The following CBARP variants were observed in gnomAD, a reference collection of about 807,000 sequenced individuals.
CBARP encodes the protein voltage-dependent calcium channel beta subunit-associated regulatory protein.
In CBARP, 24 loss-of-function variants were observed where a neutral mutation model predicts 36.3. The observed-to-expected ratio is 0.66, with a 90% CI of 0.48 to 0.93. CBARP has a LOEUF of 0.93. CBARP is among the 40% of genes least tolerant of loss of function. The probability of loss-of-function intolerance (pLI) is 0.00; values close to 1 mark genes in which losing one functional copy is unlikely to be tolerated. For missense variants in CBARP, 1,146 were observed against 980.4 expected, an observed-to-expected ratio of 1.17 and a Z score of -2.26; for synonymous variants, 586 against 453.2, an observed-to-expected ratio of 1.29 and a Z score of -3.72.
At chr19:1,234,440 C>T in intron 6 of CBARP, 109 bp from the exon 7 acceptor site, 3 of 1,434,648 alleles carry the variant, frequency 2.1e-6, no homozygotes, top group South Asian at 1.5e-5. Context: ...CCCTGCCCTG[C>T]TCCACCCCAC....
At chr19:1,232,274 G>A (rs1177501865) in intron 8 of CBARP, among the ~76,000 whole-genome samples, 1 of 152,124 alleles carries the variant, frequency 6.6e-6, no homozygotes, top group Non-Finnish European at 1.5e-5. Flanking sequence ...AGCCAGAGGA[G>A]GCCTTCCCCT....
intron 9 of CBARP, chr19:1,230,347 T>C (rs1349847173): frequency 5.1e-6 from 5 of 986,574 alleles, no homozygotes; most frequent in Non-Finnish European, 6.0e-6. Flanking sequence ...GCCTGCTTAT[T>C]AAGCAGGGTG....
Position 1,234,542 on chromosome 19 carries a change from G to C in CBARP, c.627+29C>G, listed in dbSNP as rs771389816. On this transcript the variant is annotated intron_variant, in intron 6 of 9. Coordinates refer to ENST00000650044, the MANE Select transcript of CBARP (RefSeq NM_001393918.1). ...CCCGGGGCTGCCTCCCGTCCCCCGA[G>C]GAACCGGGGCTGCTGCCCATAGGCT... 4.4e-6 allele frequency: 7 copies of C among 1,575,394 alleles called. No homozygotes were observed. The South Asian group carries it at 8.1e-5, about 18-fold the overall frequency.
Position 1,234,981 on chromosome 19 carries a change from C to G in CBARP, c.455+20G>C, listed in dbSNP as rs1242938812. On this transcript the variant is annotated intron_variant, in intron 5 of 9. Transcript: ENST00000650044. Reference sequence around the variant, plus strand: ...ACCTCAGACAGGCCCTGGGGTGCCTCCCAACGCCGCCCCGCTTACCGGCGA... The same window carrying G: ...ACCTCAGACAGGCCCTGGGGTGCCTGCCAACGCCGCCCCGCTTACCGGCGA... 1 of 1,591,220 alleles carries G rather than the reference C, an allele frequency of 6.3e-7. No individual in the cohort carries two copies. Among genetic ancestry groups the G allele is most frequent in the Non-Finnish European group, 8.6e-7 (1 of 1,166,664 alleles).
At position 1,229,552 on chromosome 19, in the gene CBARP, T is replaced by C. The variant is rs2080862416; in HGVS notation, c.1745A>G (p.Gln582Arg). Residue 582 changes from glutamine (Q) to arginine (R), a missense_variant, in exon 10 of 10, where the codon CAG becomes CGG. Physicochemically the swap from Gln to Arg is conservative, Grantham distance 43. Transcript: ENST00000650044. The surrounding 1 kb of genome is among the most constrained non-coding windows in gnomAD (Gnocchi z 5.1). ...RAHPHARKQW[Q>R]RGRQHSDPGA... ...GGGGTCGCTGTGCTGCCGGCCACGCTGCCACTGTTTGCGGGCGTGCGGGTG... is the reference window on the plus strand; with the variant it reads ...GGGGTCGCTGTGCTGCCGGCCACGCCGCCACTGTTTGCGGGCGTGCGGGTG... 9.8e-7 allele frequency: 1 copy of C among 1,017,494 alleles called. No individual in the cohort carries two copies. Among genetic ancestry groups the C allele is most frequent in the Non-Finnish European group, 1.2e-6 (1 of 845,194 alleles). 63.0% of individuals were successfully genotyped at this position (1,017,494 alleles called of 1,614,324 possible).
rs1478919335 is a variant in CBARP, at chr19:1,235,104, C to T, written c.352G>A (p.Glu118Lys). ...RGEDPECQDA[E>K]TERFLSTSST... ...CTGGTGGACAGGAAGCGTTCGGTCT[C>T]CGCATCCTGGCACTCGGGGTCCTCT... The change falls in exon 5 of 10, where the codon GAG becomes AAG. Residue 118 changes from glutamate (E) to lysine (K), a missense_variant. Transcript: ENST00000650044. 6.2e-7 allele frequency: 1 copy of T among 1,605,316 alleles called. No homozygotes were observed. Among genetic ancestry groups the T allele is most frequent in the Non-Finnish European group, 8.5e-7 (1 of 1,176,514 alleles).
At position 1,233,586 on chromosome 19, in the gene CBARP, T is replaced by C. The variant is rs764614507; in HGVS notation, c.819A>G (p.Ala273=). ...ATCCCGGGCCCGCCTCCCCAGGCCC[T>C]GCTGCAGCCCCGGGCCCTCCAGCCT... ...STKAGGPGAA[A]GPGEAGPGSG... The change falls in exon 8 of 10, where the codon GCA becomes GCG. Residue 273 remains alanine, a synonymous_variant. Transcript: ENST00000650044. 1 of 1,610,896 alleles carries C rather than the reference T, an allele frequency of 6.2e-7. No individual in the cohort carries two copies. The highest frequency in any genetic ancestry group is 1.1e-5 in the South Asian group (1 of 90,852).
At chr19:1,230,973 T>C (rs1192568770) in intron 9 of CBARP, 128 bp downstream of exon 9, 2 of 1,563,326 alleles carry the variant, frequency 1.3e-6, no homozygotes, top group African/African-American at 2.7e-5. Context: ...GGAGGGGCCT[T>C]GCCGCTGGAG....
intron 7 of CBARP, 66 bp downstream of exon 7, chr19:1,234,125 G>A (rs2080929751): frequency 7.0e-7 from 1 of 1,424,236 alleles, no homozygotes; most frequent in African/African-American, 1.4e-5. Flanking sequence ...GTCCTGGACT[G>A]GGGACAGGGA....
chr19:1,229,367 C>T lies in CBARP; in HGVS notation c.1930G>A (p.Glu644Lys), dbSNP rs1228900133. 2.6e-6 allele frequency: 3 copies of T among 1,170,118 alleles called. No homozygotes were observed. Among genetic ancestry groups the T allele is most frequent in the East Asian group, 2.0e-4 (2 of 10,114 alleles). The allele number at this position is 1,170,118 out of a possible 1,614,324, so 72.5% of individuals were successfully genotyped here. Residue 644 changes from glutamate to lysine, a missense_variant, in exon 10 of 10, where the codon GAG becomes AAG. Transcript: ENST00000650044. The surrounding 1 kb of genome is among the most constrained non-coding windows in gnomAD (Gnocchi z 5.1). ...AGDDPAIPVI[E>K]EEPGGGGCPG... ...CACCCCCCGCCGCCCGGCTCCTCCT[C>T]GATGACGGGGATGGCGGGGTCGTCG... is the stretch of plus-strand genomic sequence containing the variant.
rs773173671 is a variant in CBARP, at chr19:1,235,490, C to A, written c.310+11G>T. ...CAGGCGAGCGCACAGCCAGGCTGGC[C>A]AGCACCTCACCTTGGGCTGGGTGGG... On this transcript the variant is annotated intron_variant, in intron 4 of 9. Coordinates refer to ENST00000650044, the MANE Select transcript of CBARP (RefSeq NM_001393918.1). 1 of 1,579,030 alleles carries A rather than the reference C, an allele frequency of 6.3e-7. No homozygotes were observed.
chr19:1,229,758 T>G lies in CBARP; in HGVS notation c.1539A>C (p.Ala513=). 1.0e-6 allele frequency: 1 copy of G among 1,001,932 alleles called. No individual in the cohort carries two copies. Among genetic ancestry groups the G allele is most frequent in the South Asian group, 3.4e-5 (1 of 29,262 alleles). 62.1% of individuals were successfully genotyped at this position (1,001,932 alleles called of 1,614,324 possible). A position where few individuals can be genotyped will look rare whatever the true frequency, so the allele number is the denominator to read the frequency against. ...SGYASIEGRG[A]GDDTEPPAAP... is the part of the protein sequence containing the mutation. The stretch of plus-strand genomic sequence containing the variant: ...CGGCAGGTGGCTCGGTGTCGTCGCC[T>G]GCGCCGCGGCCCTCGATGCTGGCGT... The change falls in exon 10 of 10, where the codon GCA becomes GCC. Residue 513 remains alanine (A), a synonymous_variant. Transcript: ENST00000650044. The surrounding 1 kb of genome is among the most constrained non-coding windows in gnomAD (Gnocchi z 5.1).
At chr19:1,233,397 C>A in intron 8 of CBARP, 29 bp downstream of exon 8, 1 of 1,542,878 alleles carries the variant, frequency 6.5e-7, no homozygotes, top group Non-Finnish European at 8.8e-7. Context: ...CCCACAGGGG[C>A]CCACTCTCCA....
rs1385748619 is a variant in CBARP at position 1,233,420 on chromosome 19, G to T, written c.979+6C>A. 1 of 1,581,038 alleles carries T rather than the reference G, an allele frequency of 6.3e-7. No individual in the cohort carries two copies. The highest frequency in any genetic ancestry group is 1.3e-5 in the African/African-American group (1 of 74,290). The stretch of plus-strand genomic sequence containing the variant: ...GGCCCACTCTCCACCAGGTGCTACA[G>T]CTCACCTCTCGTGTCCAGACTGGCT... On this transcript the variant is annotated splice_donor_region_variant and intron_variant, in intron 8 of 9. Coordinates refer to ENST00000650044, the MANE Select transcript of CBARP (RefSeq NM_001393918.1).
At chr19:1,234,882 G>A in intron 5 of CBARP, 119 bp downstream of exon 5, 3 of 1,500,712 alleles carry the variant, frequency 2.0e-6, no homozygotes, top group Non-Finnish European at 1.8e-6. Context: ...CCACCCCACG[G>A]TCCCAGTCCA....
At chr19:1,231,375 C>T (rs2080890375) in intron 8 of CBARP, 100 bp from the exon 9 acceptor site, 2 of 1,320,192 alleles carry the variant, frequency 1.5e-6, no homozygotes, top group Admixed American at 4.7e-5. Flanking sequence ...ACACACAATG[C>T]CTGTGCCCCC....
chr19:1,228,867 G>A lies in CBARP; in HGVS notation c.*312C>T, dbSNP rs1228749467. On this transcript the variant is annotated 3_prime_UTR_variant, in exon 10 of 10. Coordinates refer to ENST00000650044, the MANE Select transcript of CBARP (RefSeq NM_001393918.1). ...GGGCGAGTGATCGTTGTCCTCAGGA[G>A]CCCGAAGCTGAGAGCCGTTCACGCC... 1.4e-5 allele frequency: 2 copies of A among 147,888 alleles called. No homozygotes were observed. Among genetic ancestry groups the A allele is most frequent in the South Asian group, 2.1e-4 (1 of 4,830 alleles). The allele number at this position is 147,888 out of a possible 1,614,324, so 9.2% of individuals were successfully genotyped here.
chr19:1,229,970 A>G lies in CBARP; in HGVS notation c.1327T>C (p.Ser443Pro). ...SYRDLWSLRA[S>P]LELHAAASDH... The stretch of plus-strand genomic sequence containing the variant: ...GAGGCGGCCGCATGCAGCTCAAGCG[A>G]GGCGCGCAGGCTCCACAGGTCGCGG... The change falls in exon 10 of 10, where the codon TCG becomes CCG. Residue 443 changes from serine to proline, a missense_variant. Coordinates refer to ENST00000650044, the MANE Select transcript of CBARP (RefSeq NM_001393918.1). The surrounding 1 kb of genome is among the most constrained non-coding windows in gnomAD (Gnocchi z 5.1). 1 of 1,214,744 alleles carries G rather than the reference A, an allele frequency of 8.2e-7. No homozygotes were observed. The highest frequency in any genetic ancestry group is 3.5e-4 in the Middle Eastern group (1 of 2,874). The allele number at this position is 1,214,744 out of a possible 1,614,324, so 75.2% of individuals were successfully genotyped here. A position where few individuals can be genotyped will look rare whatever the true frequency, so the allele number is the denominator to read the frequency against.
At chr19:1,233,299 G>T in intron 8 of CBARP, 127 bp downstream of exon 8, 1 of 968,602 alleles carries the variant, frequency 1.0e-6, no homozygotes, top group Non-Finnish European at 1.5e-6. Context: ...GACTGGGCAG[G>T]ACTCAGCCCC....
Sources: allele counts gnomAD v4.1 joint callset (sites outside exome capture counted in the v4.1 genomes callset), GRCh38; gene constraint gnomAD v4.1.1; non-coding constraint Gnocchi (gnomAD v3.1); transcripts MANE v1.5; gene names NCBI Gene and HGNC (gene_info 2026-07-23, HGNC 2026-07-21).